MCTP1: variants seen among roughly 807,000 people sequenced by gnomAD.
The protein encoded by MCTP1 is multiple C2 and transmembrane domain containing 1.
Under a neutral mutation model 120.6 loss-of-function variants are expected in MCTP1, and 69 were observed. The observed-to-expected ratio is 0.57, with a 90% CI of 0.47 to 0.70. The LOEUF (loss-of-function observed/expected upper bound fraction) is 0.70. Ranked by LOEUF, MCTP1 falls within the 30% of genes least tolerant of loss-of-function variation. The pLI, the probability that MCTP1 is intolerant of heterozygous loss-of-function variation, is 0.00. For synonymous variants in MCTP1, 529 were observed against 493.1 expected, an observed-to-expected ratio of 1.07 and a Z score of -0.96; for missense variants, 1,203 against 1,248.8, an observed-to-expected ratio of 0.96 and a Z score of 0.55.
At chr5:95,243,033 A>C (rs777433071) in intron 1 of MCTP1, among the ~76,000 whole-genome samples, 1 of 152,218 alleles carries the variant, frequency 6.6e-6, no homozygotes, top group Non-Finnish European at 1.5e-5. Flanking sequence ...GAATCCCAGC[A>C]CTAGGAGGGA....
chr5:94,864,594 C>T (rs1288107319), intron 17 of MCTP1, among the ~76,000 whole-genome samples: 1 of 151,848 alleles, frequency 6.6e-6, no homozygotes. Context: ...CACAGCAGAA[C>T]AGAAATTAAA....
chr5:95,141,400 G>A (rs1759919711), intron 1 of MCTP1, among the ~76,000 whole-genome samples: 1 of 152,224 alleles, frequency 6.6e-6, no homozygotes, highest in Non-Finnish European at 1.5e-5. Context: ...TTACTCTGCA[G>A]ATTAAATCTG....
At chr5:95,062,114 G>T (rs1485590343) in intron 1 of MCTP1, among the ~76,000 whole-genome samples, 1 of 152,168 alleles carries the variant, frequency 6.6e-6, no homozygotes, top group Non-Finnish European at 1.5e-5. Flanking sequence ...TTGAATTCAA[G>T]AATTATTTCC....
At chr5:95,221,877 A>C (rs1753736329) in intron 1 of MCTP1, among the ~76,000 whole-genome samples, 1 of 152,202 alleles carries the variant, frequency 6.6e-6, no homozygotes, top group South Asian at 2.1e-4. Flanking sequence ...ACAGTCTTTC[A>C]ATGCTGTTGT....
At chr5:94,842,165 G>A (rs1791204368) in intron 17 of MCTP1, among the ~76,000 whole-genome samples, 1 of 152,140 alleles carries the variant, frequency 6.6e-6, no homozygotes, top group South Asian at 2.1e-4. Flanking sequence ...ACTTGAGAAG[G>A]TTTTTGTGTA....
At chr5:94,874,444 A>G (rs907899072) in intron 12 of MCTP1, among the ~76,000 whole-genome samples, 11 of 152,146 alleles carry the variant, frequency 7.2e-5, no homozygotes, top group Admixed American at 3.9e-4. Context: ...CCTTTAATTT[A>G]TTAACTTTAT....
intron 1 of MCTP1, among the ~76,000 whole-genome samples, chr5:95,100,286 T>A (rs886382889): frequency 2.6e-5 from 4 of 151,618 alleles, no homozygotes; most frequent in Middle Eastern, 3.4e-3. Context: ...TAAAAAAAAA[T>A]TAAAAAAAAA....
intron 1 of MCTP1, among the ~76,000 whole-genome samples, chr5:95,092,837 G>A (rs1016672213): frequency 6.6e-6 from 1 of 152,158 alleles, no homozygotes; most frequent in East Asian, 1.9e-4. Context: ...AAAATCTAAG[G>A]CAGTGGCTCC....
chr5:95,030,759 C>T (rs1193398507), intron 1 of MCTP1, among the ~76,000 whole-genome samples: 2 of 152,008 alleles, frequency 1.3e-5, no homozygotes, highest in Non-Finnish European at 1.5e-5. Flanking sequence ...TACAAAAAGC[C>T]ACAATGTCTT....
At chr5:95,059,514 T>C (rs1457330929) in intron 1 of MCTP1, among the ~76,000 whole-genome samples, 1 of 151,978 alleles carries the variant, frequency 6.6e-6, no homozygotes, top group South Asian at 2.1e-4. Context: ...CTCAGCATTA[T>C]GCAATATACC....
At chr5:95,134,992 CAAAAAAAAAAAAAAAAAAAAAAAAA>C (rs70978170) in intron 1 of MCTP1, among the ~76,000 whole-genome samples, 6 of 35,312 alleles carry the variant, frequency 1.7e-4, no homozygotes, top group East Asian at 1.5e-3. Context: ...GCCTGATGGC[CAAAAAAAAAAAAAAAAAAAAAAAAA>C]AAAAAAAAAA....
At chr5:95,118,999 A>G (rs903484301) in intron 1 of MCTP1, among the ~76,000 whole-genome samples, 9 of 152,206 alleles carry the variant, frequency 5.9e-5, no homozygotes, top group Admixed American at 5.9e-4. Flanking sequence ...ATCAACAAAG[A>G]CACATTAAAC....
At chr5:94,962,086 C>T (rs1824388117) in intron 2 of MCTP1, among the ~76,000 whole-genome samples, 1 of 151,932 alleles carries the variant, frequency 6.6e-6, no homozygotes, top group Non-Finnish European at 1.5e-5. Context: ...ATCAAAATCA[C>T]AGTGCAATGC....
intron 2 of MCTP1, among the ~76,000 whole-genome samples, chr5:94,965,901 C>A (rs1434825081): frequency 4.6e-5 from 7 of 152,160 alleles, no homozygotes; most frequent in Non-Finnish European, 1.0e-4. Flanking sequence ...GAGGACCCAG[C>A]AACAAGGCAA....
chr5:94,922,147 C>A (rs953970127), intron 7 of MCTP1, among the ~76,000 whole-genome samples: 1 of 152,168 alleles, frequency 6.6e-6, no homozygotes, highest in Non-Finnish European at 1.5e-5. Context: ...AAGACATTAC[C>A]ATCACACCGT....
chr5:94,940,100 C>G lies in MCTP1; in HGVS notation c.1157G>C (p.Gly386Ala). The G allele has an allele frequency of 6.2e-7, 1 of 1,603,006 alleles. No individual in the cohort carries two copies. Among genetic ancestry groups the G allele is most frequent in the Non-Finnish European group, 8.5e-7 (1 of 1,171,584 alleles). ...GGAACTTACCACATCCCTGGACTCTCCTTCTTTAGGGGTAAGGATGACTGA... is the reference window on the plus strand; with the variant it reads ...GGAACTTACCACATCCCTGGACTCTGCTTCTTTAGGGGTAAGGATGACTGA... ...LLSVILTPKEGESRDVTMLMR... is the reference protein window; with the variant it reads ...LLSVILTPKEAESRDVTMLMR... Residue 386 changes from glycine (G) to alanine (A), a missense_variant, in exon 5 of 23, where the codon GGA becomes GCA. Physicochemically the swap from Gly to Ala is moderately conservative, Grantham distance 60 (BLOSUM62 0). Around this residue, in one of 2 missense-constraint regions of MCTP1, gnomAD observed 740 missense variants for 871.1 expected, o/e 0.85. Coordinates refer to ENST00000515393, the MANE Select transcript of MCTP1 (RefSeq NM_024717.7).
chr5:94,943,754 TAAGG>T (rs1052192835), intron 3 of MCTP1, among the ~76,000 whole-genome samples: 3 of 151,634 alleles, frequency 2.0e-5, no homozygotes, highest in Non-Finnish European at 4.4e-5. Flanking sequence ...AGGAAGTAAG[TAAGG>T]AAGATCAGGG....
In MCTP1 at chr5:95,155,768, C is replaced by G. The variant is rs115932568; in HGVS notation, c.720+128088G>C. ...AAGAGGGCCCCTAGGATTCCTCCCC[C>G]ATAGTGTTCACACCCTATATATCCC... On this transcript the variant is annotated intron_variant, in intron 1 of 22. Coordinates refer to ENST00000515393, the MANE Select transcript of MCTP1 (RefSeq NM_024717.7). Among the ~76,000 whole-genome samples the G allele has an allele frequency of 1.3e-3, 198 of 152,310 alleles. 2 individuals carry two copies. Among genetic ancestry groups the G allele is most frequent in the African/African-American group, 4.5e-3 (189 of 41,576 alleles).
intron 1 of MCTP1, among the ~76,000 whole-genome samples, chr5:95,066,632 T>C (rs1024031484): frequency 1.3e-5 from 2 of 152,152 alleles, no homozygotes; most frequent in Admixed American, 1.3e-4. Flanking sequence ...ATTTAATATA[T>C]ATACATACAT....
Sources: allele counts gnomAD v4.1 joint callset (sites outside exome capture counted in the v4.1 genomes callset), GRCh38; gene constraint gnomAD v4.1.1; regional missense constraint gnomAD v4.1.1; transcripts MANE v1.5; gene names NCBI Gene and HGNC (gene_info 2026-07-23, HGNC 2026-07-21).